Variants in TP63 observed in about 807,000 individuals in gnomAD.
TP63 encodes the protein tumor protein 63.
A neutral mutation model predicts 82.8 loss-of-function variants in TP63; 17 were observed. The ratio of observed to expected loss-of-function variants is 0.21; its 90% CI spans 0.14 to 0.31. The LOEUF (loss-of-function observed/expected upper bound fraction) is 0.31. TP63 is among the 10% of genes least tolerant of loss of function. TP63 has a pLI of 1.00. For synonymous variants in TP63, 330 were observed against 321.7 expected (o/e 1.03, Z -0.28); for missense variants, 648 against 895.3 (o/e 0.72, Z 3.52).
At chr3:189,792,209 C>T (rs904396729) in intron 3 of TP63, among the ~76,000 whole-genome samples, 5 of 151,776 alleles carry the variant, frequency 3.3e-5, no homozygotes, top group Non-Finnish European at 5.9e-5. Context: ...GGAAATGGTC[C>T]GGAAGGGAGG....
At chr3:189,824,225 T>TTA (rs1324033654) in intron 4 of TP63, among the ~76,000 whole-genome samples, 1 of 150,092 alleles carries the variant, frequency 6.7e-6, no homozygotes, top group African/African-American at 2.4e-5. Flanking sequence ...ATTATTATTA[T>TTA]TTTTTTTTTG....
At chr3:189,845,675 T>A (rs1436184263) in intron 4 of TP63, among the ~76,000 whole-genome samples, 1 of 150,100 alleles carries the variant, frequency 6.7e-6, no homozygotes, top group African/African-American at 2.5e-5. Flanking sequence ...ATGCCAGACG[T>A]GAATTGATCT....
chr3:189,721,832 A>T (rs1323845605), intron 1 of TP63, among the ~76,000 whole-genome samples: 3 of 152,198 alleles, frequency 2.0e-5, no homozygotes, highest in African/African-American at 7.2e-5. Context: ...CTTTTAAGTA[A>T]TATTCCAGCT....
chr3:189,738,899 G>A, intron 3 of TP63, 125 bp downstream of exon 3: 1 of 1,389,664 alleles, frequency 7.2e-7, no homozygotes, highest in Non-Finnish European at 9.9e-7. Context: ...TGGGAAGAGA[G>A]TCTATGTTGT....
At chr3:189,757,921 A>G (rs74554110) in intron 3 of TP63, among the ~76,000 whole-genome samples, 14,823 of 136,580 alleles carry the variant, frequency 0.11, 808 homozygotes, top group East Asian at 0.13. Flanking sequence ...AAAAGACCTC[A>G]GGAGTTGGGT....
At chr3:189,701,538 T>G (rs560565152) in intron 1 of TP63, among the ~76,000 whole-genome samples, 3 of 147,564 alleles carry the variant, frequency 2.0e-5, no homozygotes, top group East Asian at 2.0e-4. Context: ...TATATATATA[T>G]ATATATATGT....
chr3:189,624,335 C>A, the TP63 span, among the ~76,000 whole-genome samples: 2 of 152,048 alleles, frequency 1.3e-5, no homozygotes, highest in Admixed American at 1.3e-4. Context: ...CATAACTTTA[C>A]ATATGTGTGG....
At chr3:189,609,501 A>C in the TP63 span, among the ~76,000 whole-genome samples, 56 of 152,092 alleles carry the variant, frequency 3.7e-4, no homozygotes, top group African/African-American at 1.3e-3. Context: ...CCAGTACCCA[A>C]TAGTTATCTT....
At chr3:189,694,195 T>A (rs907717025) in intron 1 of TP63, among the ~76,000 whole-genome samples, 2 of 152,202 alleles carry the variant, frequency 1.3e-5, no homozygotes, top group Non-Finnish European at 2.9e-5. Flanking sequence ...TAGAACAGTA[T>A]ACAATTTACA....
chr3:189,614,380 C>T, the TP63 span, among the ~76,000 whole-genome samples: 3 of 152,114 alleles, frequency 2.0e-5, no homozygotes, highest in South Asian at 6.2e-4. Context: ...TTCTGAGACC[C>T]TCTCAGCCAC....
chr3:189,620,321 G>A, the TP63 span, among the ~76,000 whole-genome samples: 21 of 152,078 alleles, frequency 1.4e-4, no homozygotes, highest in Middle Eastern at 6.8e-3. Flanking sequence ...TCAAGAGATC[G>A]AGACCATCCT....
At chr3:189,640,214 A>T (rs1711703165) in intron 1 of TP63, among the ~76,000 whole-genome samples, 1 of 152,070 alleles carries the variant, frequency 6.6e-6, no homozygotes, top group Non-Finnish European at 1.5e-5. Context: ...TTTTCATAAG[A>T]TGTATTTTTC....
At chr3:189,704,106 A>C (rs1718024079) in intron 1 of TP63, among the ~76,000 whole-genome samples, 1 of 152,216 alleles carries the variant, frequency 6.6e-6, no homozygotes, top group Admixed American at 6.5e-5. Flanking sequence ...ACCAGATACT[A>C]CCTACACTTC....
intron 3 of TP63, among the ~76,000 whole-genome samples, chr3:189,766,272 C>A (rs2108548137): frequency 6.6e-6 from 1 of 152,294 alleles, no homozygotes; most frequent in Non-Finnish European, 1.5e-5. Context: ...ACATTTCTTT[C>A]TAAATAATAG....
At chr3:189,873,583 T>C (rs1460443692) in intron 10 of TP63, 1 of 165,546 alleles carries the variant, frequency 6.0e-6, no homozygotes, top group Admixed American at 5.5e-5. Context: ...CTGCTCTAGA[T>C]TGTCTTCCAG....
chr3:189,795,742 A>T (rs956658965), intron 3 of TP63, among the ~76,000 whole-genome samples: 1 of 152,056 alleles, frequency 6.6e-6, no homozygotes. Context: ...GGAAACCTAT[A>T]TGTGTTTTAA....
intron 3 of TP63, among the ~76,000 whole-genome samples, chr3:189,752,469 C>T (rs1721893706): frequency 6.6e-6 from 1 of 152,172 alleles, no homozygotes; most frequent in African/African-American, 2.4e-5. Context: ...TTGTGAGCCA[C>T]TGTGCTGGCT....
intron 10 of TP63, among the ~76,000 whole-genome samples, chr3:189,878,719 C>T (rs201130647): frequency 1.1e-4 from 17 of 150,130 alleles, no homozygotes; most frequent in Admixed American, 2.7e-4. Flanking sequence ...TGAGCCACCG[C>T]GCCCAGCCTA....
At chr3:189,766,707 G>A (rs1258139098) in intron 3 of TP63, among the ~76,000 whole-genome samples, 2 of 151,844 alleles carry the variant, frequency 1.3e-5, no homozygotes, top group Non-Finnish European at 2.9e-5. Flanking sequence ...CATAAATCAT[G>A]TTTAAAAAAA....
Sources: gnomAD v4.1 joint callset for allele counts (sites outside exome capture counted in the v4.1 genomes callset) on GRCh38, gnomAD v4.1.1 for gene constraint, MANE v1.5 for transcripts, NCBI Gene and HGNC (gene_info 2026-07-23, HGNC 2026-07-21) for gene names.